Variants in ARHGAP8 observed in about 807,000 individuals in gnomAD.
ARHGAP8 encodes the protein Rho GTPase activating protein 8.
Under a neutral mutation model 46.1 loss-of-function variants are expected in ARHGAP8, and 62 were observed. The observed-to-expected ratio is 1.34, with a 90% CI of 1.10 to 1.66. The LOEUF is 1.66. Ranked by LOEUF, ARHGAP8 falls within the 40% of genes most tolerant of loss-of-function variation. The probability of loss-of-function intolerance (pLI) is 0.00; values close to 1 mark genes in which losing one functional copy is unlikely to be tolerated. For missense variants in ARHGAP8, 923 were observed against 568.4 expected, an observed-to-expected ratio of 1.62 and a Z score of -6.34; for synonymous variants, 375 against 243.1, an observed-to-expected ratio of 1.54 and a Z score of -5.05.
At chr22:44,861,863 G>A (rs1037051929) in intron 11 of ARHGAP8, among the ~76,000 whole-genome samples, 4 of 152,122 alleles carry the variant, frequency 2.6e-5, no homozygotes, top group South Asian at 2.1e-4. Context: ...CCTGCCCCTC[G>A]TAGTGGCCCC....
intron 10 of ARHGAP8, chr22:44,849,698 G>C (rs566632526): frequency 6.6e-6 from 1 of 152,242 alleles, no homozygotes; most frequent in Non-Finnish European, 1.5e-5. Flanking sequence ...TACCTCCAGC[G>C]CCCTCCTTTC....
chr22:44,813,718 C>G (rs933241253), intron 4 of ARHGAP8, among the ~76,000 whole-genome samples: 1 of 143,194 alleles, frequency 7.0e-6, no homozygotes, highest in African/African-American at 2.6e-5. Context: ...CCTACACACA[C>G]TTTCATACAC....
At chr22:44,838,130 T>A (rs1361083620) in intron 7 of ARHGAP8, among the ~76,000 whole-genome samples, 1 of 149,210 alleles carries the variant, frequency 6.7e-6, no homozygotes, top group Non-Finnish European at 1.5e-5. Context: ...TGCGCCACCA[T>A]GCCTGGCTAA....
At chr22:44,823,277 A>C (rs1930284190) in intron 6 of ARHGAP8, among the ~76,000 whole-genome samples, 1 of 152,168 alleles carries the variant, frequency 6.6e-6, no homozygotes, top group Non-Finnish European at 1.5e-5. Context: ...GGAGGCACAG[A>C]ACCCAGCTGG....
chr22:44,830,215 G>T (rs1214724709), intron 7 of ARHGAP8, among the ~76,000 whole-genome samples: 1 of 151,948 alleles, frequency 6.6e-6, no homozygotes, highest in Non-Finnish European at 1.5e-5. Context: ...GTAGAGACGG[G>T]GTTTTGCCGT....
chr22:44,812,591 G>C (rs1472380179), intron 4 of ARHGAP8, among the ~76,000 whole-genome samples: 2 of 151,866 alleles, frequency 1.3e-5, no homozygotes, highest in Non-Finnish European at 2.9e-5. Flanking sequence ...TCTTGACCTC[G>C]TGATCCGCCC....
chr22:44,825,156 C>T (rs1269491682), intron 6 of ARHGAP8, among the ~76,000 whole-genome samples: 1 of 151,956 alleles, frequency 6.6e-6, no homozygotes, highest in African/African-American at 2.4e-5. Context: ...TAAATTCAGA[C>T]ACTTGCGAGA....
intron 1 of ARHGAP8, among the ~76,000 whole-genome samples, chr22:44,785,273 C>A (rs1927133065): frequency 6.6e-6 from 1 of 152,154 alleles, no homozygotes; most frequent in African/African-American, 2.4e-5. Context: ...CCTGAATCTA[C>A]CCATCTCCTC....
rs1156739037 is a variant in ARHGAP8, at chr22:44,859,747, G to A, written c.894G>A (p.Leu298=). 8 of 1,613,894 alleles carry A rather than the reference G, an allele frequency of 5.0e-6. No homozygotes were observed. The highest frequency in any genetic ancestry group is 3.3e-5 in the South Asian group (3 of 91,084). ...CCCTTCCAGGTGTGGAGAGCAGCCT[G>A]CGTGTCACTGGCTGCCGCCAGATCT... is the stretch of plus-strand genomic sequence containing the variant. ...ILGITCVESS[L]RVTGCRQILR... Residue 298 remains leucine (L), a synonymous_variant, in exon 11 of 12, where the codon CTG becomes CTA. Transcript: ENST00000356099.
Position 44,843,576 on chromosome 22 carries a change from C to A in ARHGAP8, c.597-1693C>A, listed in dbSNP as rs1032089443. On this transcript the variant is annotated intron_variant, in intron 7 of 11. Transcript: ENST00000356099. ...TGGCCCAGTGGCTCATGCCTGTAAT[C>A]CCAGGACTTTGGGAGGCCAAGGCAG... Among the ~76,000 whole-genome samples, 6 of 151,992 alleles carry A rather than the reference C, an allele frequency of 3.9e-5. No individual in the cohort carries two copies. The East Asian group carries it at 5.8e-4, about 15-fold the overall frequency.
chr22:44,774,409 T>C (rs553449025), intron 1 of ARHGAP8, among the ~76,000 whole-genome samples: 185 of 152,234 alleles, frequency 1.2e-3, no homozygotes, highest in African/African-American at 4.4e-3. Flanking sequence ...ATATAAGTTA[T>C]CCAATCAACA....
chr22:44,770,151 G>T (rs973180737), intron 1 of ARHGAP8, among the ~76,000 whole-genome samples: 4 of 152,152 alleles, frequency 2.6e-5, no homozygotes, highest in Non-Finnish European at 5.9e-5. Flanking sequence ...GACTGAGGCA[G>T]GAGAATTGCT....
intron 4 of ARHGAP8, among the ~76,000 whole-genome samples, chr22:44,810,056 T>A (rs759339410): frequency 3.9e-5 from 6 of 152,122 alleles, no homozygotes; most frequent in Admixed American, 2.0e-4. Flanking sequence ...CCAGGAAGGC[T>A]TCCTGGGTTG....
intron 2 of ARHGAP8, among the ~76,000 whole-genome samples, chr22:44,790,590 C>T (rs1356302180): frequency 1.4e-5 from 2 of 146,930 alleles, no homozygotes; most frequent in East Asian, 2.1e-4. Context: ...ACAGGAGAAT[C>T]GCTTGAACCC....
At chr22:44,857,992 G>A (rs7289868) in intron 10 of ARHGAP8, among the ~76,000 whole-genome samples, 10 of 151,972 alleles carry the variant, frequency 6.6e-5, no homozygotes, top group African/African-American at 2.4e-4. Flanking sequence ...ACCATAATTC[G>A]TAGATAAGGT....
chr22:44,783,212 A>G (rs1322647854), intron 1 of ARHGAP8, among the ~76,000 whole-genome samples: 1 of 152,076 alleles, frequency 6.6e-6, no homozygotes, highest in African/African-American at 2.4e-5. Context: ...TCAAGGTTCC[A>G]TGGTCTGGCC....
chr22:44,754,789 TAA>T (rs1474957767), intron 1 of ARHGAP8, among the ~76,000 whole-genome samples: 1 of 152,050 alleles, frequency 6.6e-6, no homozygotes, highest in African/African-American at 2.4e-5. Context: ...CGGCTTCGGT[TAA>T]AGAGACGAGA....
At chr22:44,852,324 G>A (rs1179772628) in intron 10 of ARHGAP8, among the ~76,000 whole-genome samples, 1 of 151,248 alleles carries the variant, frequency 6.6e-6, no homozygotes, top group Non-Finnish European at 1.5e-5. Context: ...AATTCCTTTT[G>A]TCATTCCGCC....
At chr22:44,859,208 C>T (rs1227454782) in intron 10 of ARHGAP8, among the ~76,000 whole-genome samples, 1 of 152,022 alleles carries the variant, frequency 6.6e-6, no homozygotes. Context: ...ATCTGAGTCC[C>T]CAGCGCGTCT....
Sources: allele counts gnomAD v4.1 joint callset (sites outside exome capture counted in the v4.1 genomes callset), GRCh38; gene constraint gnomAD v4.1.1; transcripts MANE v1.5; gene names NCBI Gene and HGNC (gene_info 2026-07-23, HGNC 2026-07-21).